ROBO2: variants seen among roughly 807,000 people sequenced by gnomAD.
ROBO2 encodes roundabout guidance receptor 2.
Under a neutral mutation model 160.8 loss-of-function variants are expected in ROBO2, and 53 were observed. That is an observed-to-expected ratio of 0.33 (90% CI 0.26 to 0.41). The LOEUF (loss-of-function observed/expected upper bound fraction) is 0.41. ROBO2 is among the 10% of genes least tolerant of loss of function. ROBO2 has a pLI of 1.00. For missense variants in ROBO2, 1,577 were observed against 1,722.4 expected (o/e 0.92, Z 1.49); for synonymous variants, 664 against 611.7 (o/e 1.09, Z -1.26).
chr3:77,587,427 A>T (rs1175977092), intron 16 of ROBO2, among the ~76,000 whole-genome samples: 1 of 152,136 alleles, frequency 6.6e-6, no homozygotes, highest in Non-Finnish European at 1.5e-5. Flanking sequence ...GATTTGCAGG[A>T]TTCTCAAATC....
chr3:77,233,370 C>T (rs1227955626), intron 2 of ROBO2, among the ~76,000 whole-genome samples: 1 of 152,098 alleles, frequency 6.6e-6, no homozygotes, highest in Admixed American at 6.6e-5. Context: ...ACAGGTAGCA[C>T]ATCTGAAGCT....
chr3:77,064,640 G>A (rs1434728297), intron 1 of ROBO2, among the ~76,000 whole-genome samples: 1 of 152,128 alleles, frequency 6.6e-6, no homozygotes, highest in Admixed American at 6.6e-5. Context: ...GCATTAAGGT[G>A]TGAGCCAACA....
At chr3:76,615,559 T>C (rs908969754) in intron 2 of ROBO2, among the ~76,000 whole-genome samples, 1 of 152,074 alleles carries the variant, frequency 6.6e-6, no homozygotes, top group African/African-American at 2.4e-5. Flanking sequence ...AATAAGATAA[T>C]TGCCCCAAGT....
At chr3:76,769,789 G>A (rs189483434) in intron 2 of ROBO2, among the ~76,000 whole-genome samples, 2 of 151,452 alleles carry the variant, frequency 1.3e-5, no homozygotes, top group Non-Finnish European at 3.0e-5. Flanking sequence ...CTCCCCTACT[G>A]TCTATTGAAG....
chr3:76,025,820 T>G (rs2066725813), intron 2 of ROBO2, among the ~76,000 whole-genome samples: 1 of 151,814 alleles, frequency 6.6e-6, no homozygotes. Flanking sequence ...AAGGCCTCTT[T>G]TTTGTTTACC....
intron 2 of ROBO2, among the ~76,000 whole-genome samples, chr3:76,970,310 A>G (rs1367766909): frequency 1.3e-5 from 2 of 152,212 alleles, no homozygotes; most frequent in African/African-American, 2.4e-5. Context: ...ATACCACTGT[A>G]TGACCACAGC....
At chr3:77,385,589 ATATCCGAGGAAGT>A (rs1308502736) in intron 2 of ROBO2, among the ~76,000 whole-genome samples, 1 of 152,190 alleles carries the variant, frequency 6.6e-6, no homozygotes, top group Non-Finnish European at 1.5e-5. Flanking sequence ...TCATCCTGAT[ATATCCGAGGAAGT>A]CCTTCCTCTA....
chr3:77,075,995 C>T (rs1430952911), intron 1 of ROBO2, among the ~76,000 whole-genome samples: 1 of 151,596 alleles, frequency 6.6e-6, no homozygotes, highest in Non-Finnish European at 1.5e-5. Context: ...TACATACATA[C>T]TATTTCTTAT....
chr3:76,583,761 G>A (rs2085853258), intron 2 of ROBO2, among the ~76,000 whole-genome samples: 1 of 151,982 alleles, frequency 6.6e-6, no homozygotes, highest in African/African-American at 2.4e-5. Flanking sequence ...CAAAATCGAT[G>A]CCTTTAGCCC....
chr3:76,504,412 T>C (rs2080661979), intron 2 of ROBO2, among the ~76,000 whole-genome samples: 1 of 152,196 alleles, frequency 6.6e-6, no homozygotes, highest in South Asian at 2.1e-4. Context: ...AGACTAATTC[T>C]TTCTTGAGAG....
intron 2 of ROBO2, among the ~76,000 whole-genome samples, chr3:76,363,275 C>T (rs1040057852): frequency 6.6e-6 from 1 of 151,914 alleles, no homozygotes; most frequent in Non-Finnish European, 1.5e-5. Context: ...TGGTCTTACT[C>T]CTTGGCCTCA....
At chr3:77,330,079 C>G (rs940030035) in intron 2 of ROBO2, among the ~76,000 whole-genome samples, 1 of 152,148 alleles carries the variant, frequency 6.6e-6, no homozygotes, top group Non-Finnish European at 1.5e-5. Flanking sequence ...CTCCTCTCCT[C>G]TACCCTAAAG....
At chr3:76,571,506 A>C (rs1012382696) in intron 2 of ROBO2, among the ~76,000 whole-genome samples, 3 of 152,140 alleles carry the variant, frequency 2.0e-5, no homozygotes, top group African/African-American at 7.2e-5. Flanking sequence ...ACTTCATGAG[A>C]TAGAATTATC....
intron 2 of ROBO2, among the ~76,000 whole-genome samples, chr3:76,683,578 CA>C (rs2092618892): frequency 6.6e-6 from 1 of 151,606 alleles, no homozygotes; most frequent in African/African-American, 2.4e-5. Flanking sequence ...CAGTTGATTA[CA>C]AATGTTTCAT....
At chr3:76,395,559 A>C (rs1255238964) in intron 2 of ROBO2, among the ~76,000 whole-genome samples, 2 of 150,188 alleles carry the variant, frequency 1.3e-5, no homozygotes, top group Admixed American at 1.3e-4. Context: ...GATCAACAAA[A>C]TTGATAGACC....
chr3:75,987,951 T>C (rs2065458246), intron 2 of ROBO2, among the ~76,000 whole-genome samples: 1 of 151,800 alleles, frequency 6.6e-6, no homozygotes, highest in Admixed American at 6.6e-5. Flanking sequence ...GATTTTTGCG[T>C]TGATATTCAT....
intron 2 of ROBO2, among the ~76,000 whole-genome samples, chr3:76,995,792 G>A (rs2149393254): frequency 6.6e-6 from 1 of 152,238 alleles, no homozygotes; most frequent in South Asian, 2.1e-4. Context: ...ACTTTTTGAT[G>A]GGGTTGTTTG....
chr3:77,355,974 T>C (rs535061247), intron 2 of ROBO2, among the ~76,000 whole-genome samples: 1 of 151,366 alleles, frequency 6.6e-6, no homozygotes, highest in Admixed American at 6.6e-5. Context: ...TGAAGAAATA[T>C]AGATGTCCAA....
chr3:76,901,989 C>T (rs1016784487), intron 2 of ROBO2, among the ~76,000 whole-genome samples: 2 of 151,834 alleles, frequency 1.3e-5, no homozygotes, highest in Non-Finnish European at 2.9e-5. Context: ...CATAAATCCT[C>T]TTTTTTAAAC....
Sources: allele counts gnomAD v4.1 joint callset (sites outside exome capture counted in the v4.1 genomes callset), GRCh38; gene constraint gnomAD v4.1.1; transcripts MANE v1.5; gene names NCBI Gene and HGNC (gene_info 2026-07-23, HGNC 2026-07-21).